The following C6orf136 variants were observed in gnomAD, a reference collection of about 807,000 sequenced individuals.
C6orf136 encodes uncharacterized protein C6orf136.
A neutral mutation model predicts 44.0 loss-of-function variants in C6orf136; 29 were observed. The observed-to-expected ratio is 0.66, with a 90% CI of 0.49 to 0.90. The LOEUF is 0.90. Ranked by LOEUF, C6orf136 falls within the 40% of genes least tolerant of loss-of-function variation. The pLI, the probability that C6orf136 is intolerant of heterozygous loss-of-function variation, is 0.00. For synonymous variants in C6orf136, 293 were observed against 278.6 expected, an observed-to-expected ratio of 1.05 and a Z score of -0.52; for missense variants, 628 against 669.3, an observed-to-expected ratio of 0.94 and a Z score of 0.68.
In C6orf136 at chr6:30,647,166, G is replaced by A. The variant is rs1766884999; in HGVS notation, c.-66G>A. 1.4e-6 allele frequency: 2 copies of A among 1,402,074 alleles called. No homozygotes were observed. The highest frequency in any genetic ancestry group is 2.3e-4 in the Middle Eastern group (1 of 4,404). 86.9% of individuals were successfully genotyped at this position (1,402,074 alleles called of 1,614,324 possible). ...CCCTTCACGAAGCCGGCTCTGGGGC[G>A]CGCTCACCCCTGTGAGGAGGCCGGA... On this transcript the variant is annotated 5_prime_UTR_variant, in exon 1 of 6. Coordinates refer to ENST00000651131, the MANE Select transcript of C6orf136 (RefSeq NM_001161376.2). The surrounding 1 kb of genome is among the most constrained non-coding windows in gnomAD (Gnocchi z 4.8).
Position 30,647,797 on chromosome 6 carries a change from G to T in C6orf136, c.566G>T (p.Gly189Val). The stretch of plus-strand genomic sequence containing the variant: ...CCCCTGCGCCCGGGCTGGCAAGATG[G>T]CCACGCCCCCAGCAGAGACGGCGCC... ...FGPLRPGWQD[G>V]HAPSRDGASR... The change falls in exon 1 of 6, where the codon GGC becomes GTC. Residue 189 changes from glycine to valine, a missense_variant. Gly to Val is a moderately radical substitution (Grantham distance 109). This residue lies in a region of C6orf136 where 497 missense variants were observed against 469.2 expected (regional missense o/e 1.06). Transcript: ENST00000651131. The surrounding 1 kb of genome is among the most constrained non-coding windows in gnomAD (Gnocchi z 4.8). 6.5e-7 allele frequency: 1 copy of T among 1,539,696 alleles called. No homozygotes were observed.
intron 2 of C6orf136, among the ~76,000 whole-genome samples, chr6:30,650,476 G>A (rs574178883): frequency 6.6e-6 from 1 of 151,946 alleles, no homozygotes; most frequent in African/African-American, 2.4e-5. Context: ...CAAGATGGGA[G>A]TAAGGAGGCC....
Position 30,647,470 on chromosome 6 carries a change from C to T in C6orf136, c.239C>T (p.Ala80Val). 1.3e-6 allele frequency: 2 copies of T among 1,482,972 alleles called. No homozygotes were observed. Among genetic ancestry groups the T allele is most frequent in the Non-Finnish European group, 1.8e-6 (2 of 1,110,628 alleles). The allele number at this position is 1,482,972 out of a possible 1,614,324, so 91.9% of individuals were successfully genotyped here. The change falls in exon 1 of 6, where the codon GCG becomes GTG. Residue 80 changes from alanine (A) to valine (V), a missense_variant. Coordinates refer to ENST00000651131, the MANE Select transcript of C6orf136 (RefSeq NM_001161376.2). The surrounding 1 kb of genome is among the most constrained non-coding windows in gnomAD (Gnocchi z 4.8). ...QRVDRLGVAG[A>V]GGRRCRACRA... ...GTGGACAGGCTAGGGGTCGCGGGAGCGGGAGGGAGGCGCTGCCGGGCCTGT... is the reference window on the plus strand; with the variant it reads ...GTGGACAGGCTAGGGGTCGCGGGAGTGGGAGGGAGGCGCTGCCGGGCCTGT...
At chr6:30,650,019 C>A (rs369551261) in intron 2 of C6orf136, 60 bp downstream of exon 2, 2 of 1,443,408 alleles carry the variant, frequency 1.4e-6, no homozygotes, top group Admixed American at 1.9e-5. Context: ...AATCCTTGGA[C>A]GTACAGGGAT....
rs1767029788 is a variant in C6orf136, at chr6:30,647,960, C to G, written c.615+114C>G. 1.4e-6 allele frequency: 2 copies of G among 1,389,476 alleles called. No individual in the cohort carries two copies. Among genetic ancestry groups the G allele is most frequent in the Non-Finnish European group, 1.9e-6 (2 of 1,067,250 alleles). The allele number at this position is 1,389,476 out of a possible 1,614,324, so 86.1% of individuals were successfully genotyped here. A position where few individuals can be genotyped will look rare whatever the true frequency, so the allele number is the denominator to read the frequency against. On this transcript the variant is annotated intron_variant, in intron 1 of 5. Transcript: ENST00000651131. The surrounding 1 kb of genome is among the most constrained non-coding windows in gnomAD (Gnocchi z 4.8). ...TTTGGGTGACCTCCCCTTGCAGTTT[C>G]AACGTCGGTAAACCCAGGAGAGTGA... is the stretch of plus-strand genomic sequence containing the variant.
rs766093375 is a variant in C6orf136 at position 30,651,304 on chromosome 6, G to A, written c.1145G>A (p.Arg382His). The A allele has an allele frequency of 2.3e-5, 37 of 1,613,784 alleles. No homozygotes were observed. Among genetic ancestry groups the A allele is most frequent in the South Asian group, 1.8e-4 (16 of 91,090 alleles). ...TACATTCTTTCACTGACCCTCTGCC[G>A]TTTCCTGGCCTGGAATTATTTTGCA... is the stretch of plus-strand genomic sequence containing the variant. ...TWYILSLTLCRFLAWNYFAHL... is the reference protein window; with the variant it reads ...TWYILSLTLCHFLAWNYFAHL... Residue 382 changes from arginine to histidine, a missense_variant, in exon 4 of 6, where the codon CGT becomes CAT. Coordinates refer to ENST00000651131, the MANE Select transcript of C6orf136 (RefSeq NM_001161376.2).
At chr6:30,648,264 A>G (rs956260775) in intron 1 of C6orf136, among the ~76,000 whole-genome samples, 1 of 152,198 alleles carries the variant, frequency 6.6e-6, no homozygotes, top group Non-Finnish European at 1.5e-5. Flanking sequence ...TTTGCCTCGC[A>G]CACTTAATCA....
In C6orf136 at chr6:30,649,796, T is replaced by G. The variant is rs1476517670; in HGVS notation, c.854T>G (p.Leu285Arg). 5.0e-6 allele frequency: 8 copies of G among 1,613,980 alleles called. No individual in the cohort carries two copies. The highest frequency in any genetic ancestry group is 6.8e-6 in the Non-Finnish European group (8 of 1,180,012). Residue 285 changes from leucine (L) to arginine (R), a missense_variant, in exon 2 of 6, where the codon CTG (leucine) becomes CGG (arginine). Coordinates refer to ENST00000651131, the MANE Select transcript of C6orf136 (RefSeq NM_001161376.2). ...GPGPELHSGC[L>R]DGLRSLFEGP... The stretch of plus-strand genomic sequence containing the variant: ...GGACCTGAGTTGCATAGCGGCTGCC[T>G]GGATGGGCTTAGAAGCCTTTTTGAG...
Position 30,652,978 on chromosome 6 carries a change from C to A in C6orf136, c.*63C>A. ...TACGCCCAAGAGAAGGAGGTGGAGG[C>A]AGCCAAGAATCTCAGGAGCCAGCTT... is the stretch of plus-strand genomic sequence containing the variant. On this transcript the variant is annotated 3_prime_UTR_variant, in exon 6 of 6. Transcript: ENST00000651131. 6.9e-7 allele frequency: 1 copy of A among 1,449,936 alleles called. No individual in the cohort carries two copies. Among genetic ancestry groups the A allele is most frequent in the East Asian group, 2.3e-5 (1 of 43,848 alleles). The allele number at this position is 1,449,936 out of a possible 1,614,324, so 89.8% of individuals were successfully genotyped here. A position where few individuals can be genotyped will look rare whatever the true frequency, so the allele number is the denominator to read the frequency against.
At chr6:30,651,855 TATGTTA>T (rs1767453386) in intron 4 of C6orf136, among the ~76,000 whole-genome samples, 1 of 151,644 alleles carries the variant, frequency 6.6e-6, no homozygotes, top group African/African-American at 2.4e-5. Flanking sequence ...CTGTTTAGTT[TATGTTA>T]ATGTTAAAAA....
Position 30,649,958 on chromosome 6 carries a change from AG to A in C6orf136, c.1017+1del. The A allele has an allele frequency of 6.2e-7, 1 of 1,612,220 alleles. No individual in the cohort carries two copies. Among genetic ancestry groups the A allele is most frequent in the Non-Finnish European group, 8.5e-7 (1 of 1,179,752 alleles). On this transcript the variant is annotated frameshift_variant and splice_region_variant, in exon 2 of 6. Coordinates refer to ENST00000651131, the MANE Select transcript of C6orf136 (RefSeq NM_001161376.2). LOFTEE classifies it high-confidence loss of function. ...GTCATGTATGAGAGACTGAGACAAG[AG>A]GTAAGTCAGTGCAAAAGTGGCCTTC... is the stretch of plus-strand genomic sequence containing the variant. ...LSVMYERLRQ[E>X]LPKLFLQSHD... is the part of the protein sequence containing the mutation.
chr6:30,650,397 A>G (rs200014868), intron 2 of C6orf136, among the ~76,000 whole-genome samples: 2 of 151,526 alleles, frequency 1.3e-5, no homozygotes, highest in Admixed American at 6.6e-5. Flanking sequence ...AAAAAAAAAA[A>G]AAAGAAAGAA....
chr6:30,650,570 G>A (rs1767312760), intron 2 of C6orf136, among the ~76,000 whole-genome samples: 1 of 151,930 alleles, frequency 6.6e-6, no homozygotes, highest in African/African-American at 2.4e-5. Flanking sequence ...GGATCACAAG[G>A]TCAGGAGTTC....
rs1346141545 is a variant in C6orf136, at chr6:30,647,761, C to G, written c.530C>G (p.Thr177Ser). The G allele has an allele frequency of 9.0e-6, 14 of 1,547,546 alleles. No homozygotes were observed. Among genetic ancestry groups the G allele is most frequent in the Non-Finnish European group, 1.2e-5 (14 of 1,146,382 alleles). ...RSWQEGRPVCTRFGPLRPGWQ... is the reference protein window; with the variant it reads ...RSWQEGRPVCSRFGPLRPGWQ... ...TGGCAGGAAGGCCGGCCAGTGTGCA[C>G]CCGGTTCGGGCCCCTGCGCCCGGGC... Residue 177 changes from threonine to serine, a missense_variant, in exon 1 of 6, where the codon ACC becomes AGC. Physicochemically the swap from Thr to Ser is moderately conservative, Grantham distance 58. Around this residue, in one of 2 missense-constraint regions of C6orf136, gnomAD observed 497 missense variants for 469.2 expected, o/e 1.06. Coordinates refer to ENST00000651131, the MANE Select transcript of C6orf136 (RefSeq NM_001161376.2). The surrounding 1 kb of genome is among the most constrained non-coding windows in gnomAD (Gnocchi z 4.8).
Position 30,651,102 on chromosome 6 carries a change from T to C in C6orf136, c.1106+20T>C. 1 of 1,606,908 alleles carries C rather than the reference T, an allele frequency of 6.2e-7. No homozygotes were observed. Among genetic ancestry groups the C allele is most frequent in the Non-Finnish European group, 8.5e-7 (1 of 1,173,568 alleles). The stretch of plus-strand genomic sequence containing the variant: ...TACCAAGTGAGAATTGGGGCACAGG[T>C]AGGGCACTGGGGAGGAAAAGCACCC... On this transcript the variant is annotated intron_variant, in intron 3 of 5. Transcript: ENST00000651131.
chr6:30,651,254 CCTT>C lies in C6orf136; in HGVS notation c.1107-7_1107-5del. Reference sequence around the variant, plus strand: ...GCCATCATGAGATTTCTTTCCCATCCCTTCTTCACAGGGGCCGGACATGGTACA... The same window carrying C: ...GCCATCATGAGATTTCTTTCCCATCCCTTCACAGGGGCCGGACATGGTACA... On this transcript the variant is annotated splice_polypyrimidine_tract_variant and intron_variant, in intron 3 of 5. Transcript: ENST00000651131. 1 of 1,613,892 alleles carries C rather than the reference CCTT, an allele frequency of 6.2e-7. No homozygotes were observed. The highest frequency in any genetic ancestry group is 8.5e-7 in the Non-Finnish European group (1 of 1,179,908).
chr6:30,652,662 A>G lies in C6orf136; in HGVS notation c.1322A>G (p.Tyr441Cys), dbSNP rs768792017. ...CTATTCCCCAGGACCTATGATGCCT[A>G]CTCCACTTTCTACCTGAATTCCAGT... ...KDEHYRTYDA[Y>C]STFYLNSSGL... is the part of the protein sequence containing the mutation. The change falls in exon 5 of 6, where the codon TAC (tyrosine) becomes TGC (cysteine). Residue 441 changes from tyrosine (Y) to cysteine (C), a missense_variant. Around this residue, in one of 2 missense-constraint regions of C6orf136, gnomAD observed 131 missense variants for 200.1 expected, o/e 0.65. Transcript: ENST00000651131. The G allele has an allele frequency of 2.5e-6, 4 of 1,612,716 alleles. No individual in the cohort carries two copies. Among genetic ancestry groups the G allele is most frequent in the East Asian group, 4.5e-5 (2 of 44,894 alleles).
chr6:30,651,254 C>A lies in C6orf136; in HGVS notation c.1107-12C>A. ...GCCATCATGAGATTTCTTTCCCATC[C>A]CTTCTTCACAGGGGCCGGACATGGT... On this transcript the variant is annotated splice_polypyrimidine_tract_variant and intron_variant, in intron 3 of 5. Coordinates refer to ENST00000651131, the MANE Select transcript of C6orf136 (RefSeq NM_001161376.2). 1 of 1,613,892 alleles carries A rather than the reference C, an allele frequency of 6.2e-7. No individual in the cohort carries two copies. The highest frequency in any genetic ancestry group is 1.1e-5 in the South Asian group (1 of 91,074).
Position 30,647,528 on chromosome 6 carries a change from G to A in C6orf136, c.297G>A (p.Arg99=). 6.6e-7 allele frequency: 1 copy of A among 1,518,750 alleles called. No individual in the cohort carries two copies. The highest frequency in any genetic ancestry group is 1.2e-5 in the South Asian group (1 of 80,444). 94.1% of individuals were successfully genotyped at this position (1,518,750 alleles called of 1,614,324 possible). ...GGACGTCGGTCCTCCCAGGTTTGAGGGCGGTCAGGCGGGGTCAAGGCCAGG... is the reference window on the plus strand; with the variant it reads ...GGACGTCGGTCCTCCCAGGTTTGAGAGCGGTCAGGCGGGGTCAAGGCCAGG... ...RARTSVLPGL[R]AVRRGQGQAA... The change falls in exon 1 of 6, where the codon AGG becomes AGA. Residue 99 remains arginine, a synonymous_variant. Transcript: ENST00000651131. The surrounding 1 kb of genome is among the most constrained non-coding windows in gnomAD (Gnocchi z 4.8).
Sources: allele counts gnomAD v4.1 joint callset (sites outside exome capture counted in the v4.1 genomes callset), GRCh38; gene constraint gnomAD v4.1.1; regional missense constraint gnomAD v4.1.1; non-coding constraint Gnocchi (gnomAD v3.1); transcripts MANE v1.5; gene names NCBI Gene and HGNC (gene_info 2026-07-23, HGNC 2026-07-21).